Variants in TNKS observed in about 807,000 individuals in gnomAD.
TNKS encodes the protein tankyrase, also known as poly [ADP-ribose] polymerase tankyrase-1.
A neutral mutation model predicts 135.8 loss-of-function variants in TNKS; 72 were observed. That is an observed-to-expected ratio of 0.53 (90% confidence interval 0.44 to 0.64). The LOEUF is 0.64. TNKS is among the 30% of genes least tolerant of loss of function. The pLI, the probability that TNKS is intolerant of heterozygous loss-of-function variation, is 0.00. For missense variants in TNKS, 1,769 were observed against 1,674.0 expected (o/e 1.06, Z -0.99); for synonymous variants, 849 against 649.3 (o/e 1.31, Z -4.68).
At chr8:9,735,716 C>T (rs1286391864) in intron 17 of TNKS, among the ~76,000 whole-genome samples, 1 of 152,054 alleles carries the variant, frequency 6.6e-6, no homozygotes, top group Non-Finnish European at 1.5e-5. Context: ...AGGAGAATGG[C>T]ATGAACCCGG....
In TNKS at chr8:9,556,397, G is replaced by A. The variant is rs370539656; in HGVS notation, c.458G>A (p.Ser153Asn). Reference sequence around the variant, plus strand: ...TCCCCTGGATCGAGCTTGGCGGAGAGCCCCGAGGCGGCCGGAGTTAGCAGC... The same window carrying A: ...TCCCCTGGATCGAGCTTGGCGGAGAACCCCGAGGCGGCCGGAGTTAGCAGC... Reference protein sequence around the residue: ...PSSPGSSLAESPEAAGVSSTA... With the variant: ...PSSPGSSLAENPEAAGVSSTA... The change falls in exon 1 of 27, where the codon AGC becomes AAC. Residue 153 changes from serine (S) to asparagine (N), a missense_variant. By Grantham distance (46) the Ser-to-Asn change is conservative. Transcript: ENST00000310430. 2 of 1,614,194 alleles carry A rather than the reference G, an allele frequency of 1.2e-6. No homozygotes were observed. Among genetic ancestry groups the A allele is most frequent in the Non-Finnish European group, 8.5e-7 (1 of 1,180,038 alleles).
At chr8:9,765,903 G>T in intron 24 of TNKS, 106 bp downstream of exon 24, 2 of 902,454 alleles carry the variant, frequency 2.2e-6, no homozygotes, top group South Asian at 1.8e-5. Context: ...TGTTAAAAAC[G>T]GCTTGTTTTG....
chr8:9,734,208 A>G (rs1010819673), intron 15 of TNKS, among the ~76,000 whole-genome samples: 2 of 152,140 alleles, frequency 1.3e-5, no homozygotes, highest in Non-Finnish European at 2.9e-5. Context: ...TTGTGAATCC[A>G]TTGTCCACCT....
intron 1 of TNKS, among the ~76,000 whole-genome samples, chr8:9,577,706 T>C (rs919404852): frequency 2.0e-5 from 3 of 152,184 alleles, no homozygotes; most frequent in Non-Finnish European, 4.4e-5. Flanking sequence ...GAGATTTGGG[T>C]GGGGCCACAA....
At chr8:9,665,967 C>G (rs774069805) in intron 3 of TNKS, among the ~76,000 whole-genome samples, 1 of 152,140 alleles carries the variant, frequency 6.6e-6, no homozygotes, top group Non-Finnish European at 1.5e-5. Flanking sequence ...TCTTCCTCCC[C>G]TCCTCTTTTT....
chr8:9,609,422 T>C (rs1585226303), intron 2 of TNKS, among the ~76,000 whole-genome samples: 1 of 152,210 alleles, frequency 6.6e-6, no homozygotes, highest in African/African-American at 2.4e-5. Context: ...ATCTATTTTA[T>C]CCTCATCCTG....
chr8:9,759,977 CAAAAG>C (rs1807057049), intron 20 of TNKS, among the ~76,000 whole-genome samples: 3 of 108,874 alleles, frequency 2.8e-5, no homozygotes, highest in African/African-American at 1.1e-4. Context: ...GACTCTGTCT[CAAAAG>C]AAAACAAAAC....
At chr8:9,706,162 T>C (rs1804033829) in intron 6 of TNKS, 25 bp from the exon 7 acceptor site, 1 of 1,541,498 alleles carries the variant, frequency 6.5e-7, no homozygotes, top group Admixed American at 2.0e-5. Flanking sequence ...AATTTAAGTA[T>C]TTTAATTTGC....
intron 2 of TNKS, among the ~76,000 whole-genome samples, chr8:9,608,297 G>A (rs1799313259): frequency 6.6e-6 from 1 of 152,104 alleles, no homozygotes; most frequent in Non-Finnish European, 1.5e-5. Context: ...TTAATATAAT[G>A]AAACAAAGGA....
intron 3 of TNKS, among the ~76,000 whole-genome samples, chr8:9,659,761 C>T (rs968237490): frequency 2.0e-5 from 3 of 152,010 alleles, no homozygotes; most frequent in African/African-American, 7.2e-5. Context: ...GAGATAGAGA[C>T]ACAAAAAACC....
chr8:9,556,422 C>T lies in TNKS; in HGVS notation c.483C>T (p.Ser161=). 1 of 1,614,208 alleles carries T rather than the reference C, an allele frequency of 6.2e-7. No homozygotes were observed. Among genetic ancestry groups the T allele is most frequent in the South Asian group, 1.1e-5 (1 of 91,088 alleles). Residue 161 remains serine, a synonymous_variant, in exon 1 of 27, where the codon AGC becomes AGT. Coordinates refer to ENST00000310430, the MANE Select transcript of TNKS (RefSeq NM_003747.3). Reference sequence around the variant, plus strand: ...GCCCCGAGGCGGCCGGAGTTAGCAGCACAGCACCACTGGGGCCTGGGGCAG... The same window carrying T: ...GCCCCGAGGCGGCCGGAGTTAGCAGTACAGCACCACTGGGGCCTGGGGCAG... ...AESPEAAGVS[S]TAPLGPGAAG...
chr8:9,708,796 A>G (rs920485730), intron 9 of TNKS, among the ~76,000 whole-genome samples: 2 of 152,092 alleles, frequency 1.3e-5, no homozygotes, highest in African/African-American at 4.8e-5. Context: ...ATTTTTCAAT[A>G]GAATTTTTTT....
intron 2 of TNKS, among the ~76,000 whole-genome samples, chr8:9,605,138 T>C (rs1799166814): frequency 6.6e-6 from 1 of 152,088 alleles, no homozygotes; most frequent in Non-Finnish European, 1.5e-5. Flanking sequence ...AACAGTTTTG[T>C]TTACTCCAAA....
chr8:9,620,717 A>G (rs1430402478), intron 3 of TNKS, among the ~76,000 whole-genome samples: 2 of 152,142 alleles, frequency 1.3e-5, no homozygotes, highest in South Asian at 2.1e-4. Flanking sequence ...CTGAAACTGG[A>G]ACACTTCCCC....
At chr8:9,587,454 C>T (rs945755425) in intron 2 of TNKS, among the ~76,000 whole-genome samples, 1 of 150,202 alleles carries the variant, frequency 6.7e-6, no homozygotes, top group Non-Finnish European at 1.5e-5. Flanking sequence ...GGCTGGAGTG[C>T]AGTGGCACAG....
At chr8:9,733,472 T>A in intron 15 of TNKS, 28 bp downstream of exon 15, 1 of 1,568,950 alleles carries the variant, frequency 6.4e-7, no homozygotes, top group Admixed American at 1.8e-5. Context: ...TTATGAAATA[T>A]AACTAATTTT....
intron 26 of TNKS, among the ~76,000 whole-genome samples, chr8:9,772,869 TGTGTGG>T (rs568491667): frequency 4.1e-4 from 59 of 143,766 alleles, no homozygotes; most frequent in African/African-American, 1.4e-3. Context: ...GTAGTGCGTA[TGTGTGG>T]GTGTGGGTGT....
chr8:9,710,241 G>C (rs1563182954), intron 11 of TNKS, 21 bp downstream of exon 11: 1 of 1,613,324 alleles, frequency 6.2e-7, no homozygotes, highest in Non-Finnish European at 8.5e-7. Context: ...CACCTGAGCA[G>C]AGTGCCAGAC....
intron 3 of TNKS, among the ~76,000 whole-genome samples, chr8:9,632,951 A>G (rs533882174): frequency 1.1e-4 from 17 of 152,160 alleles, no homozygotes; most frequent in South Asian, 4.2e-4. Flanking sequence ...GGATGGTCTC[A>G]ATCTCCTGAC....
Sources: gnomAD v4.1 joint callset for allele counts (sites outside exome capture counted in the v4.1 genomes callset) on GRCh38, gnomAD v4.1.1 for gene constraint, MANE v1.5 for transcripts, NCBI Gene and HGNC (gene_info 2026-07-23, HGNC 2026-07-21) for gene names.